The following ANKFN1 variants were observed in gnomAD, a reference collection of about 807,000 sequenced individuals.
ANKFN1 encodes ankyrin repeat and fibronectin type-III domain-containing protein 1.
In ANKFN1, 74 loss-of-function variants were observed where a neutral mutation model predicts 108.7. That is an observed-to-expected ratio of 0.68 (90% CI 0.56 to 0.83). ANKFN1 has a LOEUF of 0.83. ANKFN1 is among the 40% of genes least tolerant of loss of function. The probability of loss-of-function intolerance (pLI) is 0.00; values close to 1 mark genes in which losing one functional copy is unlikely to be tolerated. For synonymous variants in ANKFN1, 547 were observed against 516.2 expected (o/e 1.06, Z -0.81); for missense variants, 1,505 against 1,382.3 (o/e 1.09, Z -1.41).
At chr17:56,112,289 T>C (rs1005555352) in intron 4 of ANKFN1, among the ~76,000 whole-genome samples, 3 of 152,102 alleles carry the variant, frequency 2.0e-5, no homozygotes, top group Non-Finnish European at 4.4e-5. Context: ...CCCTCCAGAA[T>C]GGTGAGGAAG....
At chr17:56,387,044 T>A (rs2047296930) in intron 8 of ANKFN1, among the ~76,000 whole-genome samples, 1 of 152,138 alleles carries the variant, frequency 6.6e-6, no homozygotes, top group Non-Finnish European at 1.5e-5. Context: ...TTTATGCTTT[T>A]GTGCCTTTTC....
At chr17:56,243,458 T>G (rs1037640281) in intron 3 of ANKFN1, among the ~76,000 whole-genome samples, 3 of 152,174 alleles carry the variant, frequency 2.0e-5, no homozygotes, top group African/African-American at 7.2e-5. Context: ...CCAGCCTTCC[T>G]GGGCCACAAC....
intron 4 of ANKFN1, among the ~76,000 whole-genome samples, chr17:56,128,047 T>C (rs1195425966): frequency 1.3e-5 from 2 of 152,192 alleles, no homozygotes; most frequent in South Asian, 2.1e-4. Flanking sequence ...ACCAGTCCTC[T>C]CCCCTTTTCC....
rs1411043989 is a variant in ANKFN1 at position 56,279,567 on chromosome 17, T to C, written c.54-46654T>C. On this transcript the variant is annotated intron_variant, in intron 3 of 20. Coordinates refer to ENST00000682825, the MANE Select transcript of ANKFN1 (RefSeq NM_001370326.1). ...ATAACACACCTGGTCCTAATGCCTGTGTTTTTTCTTCCAATCTTCCCCCTC... is the reference window on the plus strand; with the variant it reads ...ATAACACACCTGGTCCTAATGCCTGCGTTTTTTCTTCCAATCTTCCCCCTC... Among the ~76,000 whole-genome samples, 3 of 151,912 alleles carry C rather than the reference T, an allele frequency of 2.0e-5. No individual in the cohort carries two copies. The East Asian group carries it at 5.8e-4, about 29-fold the overall frequency.
rs551502649 is a variant in ANKFN1, at chr17:56,077,538, C to T, written c.288+31213C>T. Among the ~76,000 whole-genome samples, 12 of 152,018 alleles carry T rather than the reference C, an allele frequency of 7.9e-5. No homozygotes were observed. The South Asian group carries it at 2.3e-3, about 29-fold the overall frequency. On this transcript the variant is annotated intron_variant, in intron 4 of 12. Transcript: ENST00000635860. ...GTACATACCTGTGTGTGATTTTTTA[C>T]CCTCCTGGCACTTTTTGGACTGGCC...
chr17:56,372,887 G>T, intron 7 of ANKFN1, 47 bp downstream of exon 7: 1 of 1,550,896 alleles, frequency 6.4e-7, no homozygotes, highest in South Asian at 1.2e-5. Context: ...CTGAGCCTCA[G>T]TTTGAGACAG....
intron 3 of ANKFN1, among the ~76,000 whole-genome samples, chr17:56,317,353 G>A (rs2045238725): frequency 6.6e-6 from 1 of 152,186 alleles, no homozygotes; most frequent in Non-Finnish European, 1.5e-5. Context: ...ACTCCAGCTT[G>A]CCTTCATCTT....
At chr17:56,170,807 T>TATATATATATATATATATATAC (rs1361307404) in intron 1 of ANKFN1, among the ~76,000 whole-genome samples, 3 of 61,450 alleles carry the variant, frequency 4.9e-5, no homozygotes, top group Admixed American at 2.1e-4. Context: ...TATATATATA[T>TATATATATATATATATATATAC]ACACACACAC....
Position 56,482,371 on chromosome 17 carries a change from C to T in ANKFN1, c.2107C>T (p.Leu703Phe), listed in dbSNP as rs1375757050. Residue 703 changes from leucine (L) to phenylalanine (F), a missense_variant, in exon 18 of 21, where the codon CTC becomes TTC. By Grantham distance (22) the Leu-to-Phe change is conservative. Coordinates refer to ENST00000682825, the MANE Select transcript of ANKFN1 (RefSeq NM_001370326.1). Reference protein sequence around the residue: ...IPLHQARNFRLYTQEVLEMGH... With the variant: ...IPLHQARNFRFYTQEVLEMGH... The stretch of plus-strand genomic sequence containing the variant: ...CCCTCTGCAGGCAAGGAACTTCCGC[C>T]TCTACACACAGGAGGTGTTGGAAAT... 6.2e-7 allele frequency: 1 copy of T among 1,606,614 alleles called. No individual in the cohort carries two copies. The highest frequency in any genetic ancestry group is 1.7e-5 in the Admixed American group (1 of 59,108).
chr17:56,333,086 T>A (rs1359511731), intron 4 of ANKFN1, among the ~76,000 whole-genome samples: 1 of 151,966 alleles, frequency 6.6e-6, no homozygotes, highest in Non-Finnish European at 1.5e-5. Flanking sequence ...ATTAGATTAT[T>A]CTATGTAAAC....
chr17:56,425,433 A>G (rs952655587), intron 8 of ANKFN1, among the ~76,000 whole-genome samples: 2 of 152,196 alleles, frequency 1.3e-5, no homozygotes, highest in Non-Finnish European at 2.9e-5. Context: ...TATAAGAGAA[A>G]TTTTCCTAAA....
intron 1 of ANKFN1, among the ~76,000 whole-genome samples, chr17:56,187,853 G>A (rs192785738): frequency 6.6e-6 from 1 of 150,788 alleles, no homozygotes; most frequent in Non-Finnish European, 1.5e-5. Flanking sequence ...AACACTGCAT[G>A]TTCTCACCCA....
intron 4 of ANKFN1, among the ~76,000 whole-genome samples, chr17:56,348,732 A>T (rs1475615264): frequency 6.6e-6 from 1 of 152,158 alleles, no homozygotes; most frequent in Non-Finnish European, 1.5e-5. Flanking sequence ...CTAAAAAGTC[A>T]AAAAACAACA....
At chr17:56,337,481 A>G (rs1364029116) in intron 4 of ANKFN1, among the ~76,000 whole-genome samples, 10 of 152,168 alleles carry the variant, frequency 6.6e-5, no homozygotes, top group Admixed American at 6.6e-4. Context: ...TAATTAAACT[A>G]AAGGGCTTCT....
intron 2 of ANKFN1, among the ~76,000 whole-genome samples, chr17:56,226,491 G>GTT (rs1567849825): frequency 6.6e-6 from 1 of 152,162 alleles, no homozygotes; most frequent in Non-Finnish European, 1.5e-5. Context: ...TAATAAGGAT[G>GTT]TTGATTGGAG....
At chr17:56,412,682 G>T (rs1344087537) in intron 8 of ANKFN1, among the ~76,000 whole-genome samples, 2 of 152,172 alleles carry the variant, frequency 1.3e-5, no homozygotes, top group African/African-American at 4.8e-5. Flanking sequence ...GTTTGCAAGG[G>T]GCTCTTGGGT....
intron 4 of ANKFN1, among the ~76,000 whole-genome samples, chr17:56,349,116 C>T (rs780823367): frequency 9.9e-5 from 15 of 152,108 alleles, no homozygotes; most frequent in Admixed American, 2.0e-4. Context: ...CCTCAGCAAA[C>T]TAATGCAGGA....
At chr17:56,188,575 GTGTGTGTATATATATA>G (rs1394887803) in intron 1 of ANKFN1, among the ~76,000 whole-genome samples, 1 of 88,254 alleles carries the variant, frequency 1.1e-5, no homozygotes, top group East Asian at 3.4e-4. Context: ...GTGTGTGTGT[GTGTGTGTATATATATA>G]TATATATATA....
chr17:56,216,743 C>G (rs950484253), intron 2 of ANKFN1, among the ~76,000 whole-genome samples: 1 of 152,166 alleles, frequency 6.6e-6, no homozygotes, highest in Non-Finnish European at 1.5e-5. Flanking sequence ...ATCTGTAAAG[C>G]AAAGCCTCAG....
Sources: allele counts gnomAD v4.1 joint callset (sites outside exome capture counted in the v4.1 genomes callset), GRCh38; gene constraint gnomAD v4.1.1; transcripts MANE v1.5; gene names NCBI Gene and HGNC (gene_info 2026-07-23, HGNC 2026-07-21).